LITAF: variants seen among roughly 807,000 people sequenced by gnomAD.
LITAF encodes lipopolysaccharide induced TNF factor, also known as lipopolysaccharide-induced tumor necrosis factor-alpha factor.
Under a neutral mutation model 14.5 loss-of-function variants are expected in LITAF, and 9 were observed. The observed-to-expected ratio is 0.62, with a 90% confidence interval of 0.37 to 1.08. The LOEUF is 1.08. LITAF is among the 50% of genes least tolerant of loss of function. The probability of loss-of-function intolerance (pLI) is 0.01; values close to 1 mark genes in which losing one functional copy is unlikely to be tolerated. For missense variants in LITAF, 206 were observed against 213.4 expected (o/e 0.97, Z 0.22); for synonymous variants, 98 against 88.2 (o/e 1.11, Z -0.62).
rs564659796 is a variant in LITAF at position 11,631,186 on chromosome 16, G to A, written c.85+2347C>T. On this transcript the variant is annotated intron_variant, in intron 3 of 3. Transcript: ENST00000574848. The stretch of plus-strand genomic sequence containing the variant: ...GAAGCTGCTTACAAGTGAGCTATCG[G>A]TGTCCTGTGGCTGCAATTATCACAT... 6.9e-4 allele frequency among the ~76,000 whole-genome samples: 105 copies of A among 152,288 alleles called. 2 individuals carry two copies. The highest frequency in any genetic ancestry group is 3.4e-3 in the Middle Eastern group (1 of 294).
chr16:11,634,965 C>T lies in LITAF; in HGVS notation c.-21+860G>A, dbSNP rs564631202. On this transcript the variant is annotated intron_variant, in intron 2 of 3. Coordinates refer to the LITAF transcript ENST00000574848. The surrounding 1 kb of genome is among the most constrained non-coding windows in gnomAD (Gnocchi z 4.1). The stretch of plus-strand genomic sequence containing the variant: ...AGGAGAATCGATTGAACCCGGGAAG[C>T]GGAGGTTGCAGAGAGCTGAGATCAC... 3.2e-4 allele frequency among the ~76,000 whole-genome samples: 48 copies of T among 151,892 alleles called. No homozygotes were observed. Among genetic ancestry groups the T allele is most frequent in the Non-Finnish European group, 5.3e-4 (36 of 68,000 alleles).
chr16:11,585,373 AG>A (rs1374677171), intron 1 of LITAF, among the ~76,000 whole-genome samples: 1 of 152,210 alleles, frequency 6.6e-6, no homozygotes, highest in African/African-American at 2.4e-5. Context: ...AACAGGAAAG[AG>A]GGAGATGGGC....
At chr16:11,636,646 T>C (rs2065139520), upstream of LITAF, among the ~76,000 whole-genome samples, 1 of 152,096 alleles carries the variant, frequency 6.6e-6, no homozygotes, top group African/African-American at 2.4e-5. Context: ...AAAGGGAAAA[T>C]AGAGCCCCCG....
At chr16:11,587,580 G>A (rs1175369838), upstream of LITAF, 7 of 326,536 alleles carry the variant, frequency 2.1e-5, no homozygotes, top group East Asian at 6.0e-4. Flanking sequence ...TAGGTATTAG[G>A]TAAGGCTTAT....
At chr16:11,626,035 C>A (rs117824720) in intron 3 of LITAF, among the ~76,000 whole-genome samples, 1 of 152,236 alleles carries the variant, frequency 6.6e-6, no homozygotes, top group East Asian at 1.9e-4. Flanking sequence ...AGATCCCATG[C>A]GCTTAGTAAA....
chr16:11,548,785 G>A lies in LITAF; in HGVS notation c.*852C>T, dbSNP rs1245137297. 2.2e-6 allele frequency: 1 copy of A among 452,944 alleles called. No individual in the cohort carries two copies. The allele number at this position is 452,944 out of a possible 1,614,324, so 28.1% of individuals were successfully genotyped here. A position where few individuals can be genotyped will look rare whatever the true frequency, so the allele number is the denominator to read the frequency against. ...GAGCCCAGGAGTTCGACACCAGCCTGGGCAACATAGTAAGACCCCATCTCT... is the reference window on the plus strand; with the variant it reads ...GAGCCCAGGAGTTCGACACCAGCCTAGGCAACATAGTAAGACCCCATCTCT... On this transcript the variant is annotated 3_prime_UTR_variant, in exon 4 of 4. Transcript: ENST00000622633.
chr16:11,635,948 G>A (rs1265115814), exon 2 of LITAF: 1 of 152,340 alleles, frequency 6.6e-6, no homozygotes, highest in Non-Finnish European at 1.5e-5. Flanking sequence ...GATGTGGCTG[G>A]AGGGTCTGGA....
At chr16:11,566,765 G>T (rs767542029) in intron 1 of LITAF, among the ~76,000 whole-genome samples, 14 of 151,348 alleles carry the variant, frequency 9.3e-5, no homozygotes, top group African/African-American at 3.2e-4. Flanking sequence ...GTAGGGGGGC[G>T]CATGGACAGA....
chr16:11,585,776 G>A (rs897124359), intron 1 of LITAF, among the ~76,000 whole-genome samples: 1 of 152,188 alleles, frequency 6.6e-6, no homozygotes, highest in African/African-American at 2.4e-5. Flanking sequence ...CAGGCCAAGG[G>A]GAGGGAGGCA....
rs577820515 is a variant in LITAF, at chr16:11,634,297, A to G, written c.-20-660T>C. 1.3e-5 allele frequency among the ~76,000 whole-genome samples: 2 copies of G among 152,206 alleles called. No homozygotes were observed. Among genetic ancestry groups the G allele is most frequent in the Non-Finnish European group, 2.9e-5 (2 of 68,044 alleles). ...GCCAAACTAACTCTGGGGAACATTT[A>G]GTTTACAGTTTAAGTGATACTTTTG... is the stretch of plus-strand genomic sequence containing the variant. On this transcript the variant is annotated intron_variant, in intron 2 of 3. Coordinates refer to the LITAF transcript ENST00000574848. The surrounding 1 kb of genome is among the most constrained non-coding windows in gnomAD (Gnocchi z 4.1).
chr16:11,583,752 C>T (rs1242639487), intron 1 of LITAF, among the ~76,000 whole-genome samples: 2 of 152,304 alleles, frequency 1.3e-5, no homozygotes, highest in East Asian at 3.8e-4. Context: ...GCTCCATGAG[C>T]TAAATAGCTT....
chr16:11,629,807 G>A (rs2065107011), intron 3 of LITAF, among the ~76,000 whole-genome samples: 1 of 152,172 alleles, frequency 6.6e-6, no homozygotes, highest in African/African-American at 2.4e-5. Context: ...AGCTCCAGGG[G>A]CGCGCAGCTC....
intron 3 of LITAF, among the ~76,000 whole-genome samples, chr16:11,612,856 T>A (rs1857144339): frequency 6.6e-6 from 1 of 152,118 alleles, no homozygotes; most frequent in African/African-American, 2.4e-5. Context: ...TTGGGCACCA[T>A]CTCAGGGACT....
intron 2 of LITAF, chr16:11,556,237 A>C: frequency 1.9e-6 from 1 of 538,376 alleles, no homozygotes; most frequent in South Asian, 3.1e-5. Flanking sequence ...CCATTCTCAG[A>C]AGAAAGTTGG....
intron 3 of LITAF, among the ~76,000 whole-genome samples, chr16:11,613,815 G>A (rs368855671): frequency 2.6e-5 from 4 of 152,354 alleles, no homozygotes; most frequent in African/African-American, 7.2e-5. Context: ...TCTCAGAAAT[G>A]AGGATCTGTA....
At chr16:11,588,955 G>A (rs1236738480), upstream of LITAF, among the ~76,000 whole-genome samples, 1 of 150,088 alleles carries the variant, frequency 6.7e-6, no homozygotes, top group African/African-American at 2.5e-5. Flanking sequence ...ATTTTCTTCT[G>A]TCCTTTACTG....
At chr16:11,608,850 CT>C (rs2064967763) in intron 3 of LITAF, among the ~76,000 whole-genome samples, 2 of 152,306 alleles carry the variant, frequency 1.3e-5, no homozygotes, top group Admixed American at 1.3e-4. Context: ...CTAGTCTCAG[CT>C]ACTCGGGAGG....
intron 1 of LITAF, among the ~76,000 whole-genome samples, chr16:11,579,948 A>C (rs1054887512): frequency 3.3e-5 from 5 of 152,210 alleles, no homozygotes; most frequent in Non-Finnish European, 7.3e-5. Flanking sequence ...CTGCAGACAC[A>C]GGAGCAGCTC....
intron 3 of LITAF, among the ~76,000 whole-genome samples, chr16:11,627,716 C>A (rs924981263): frequency 6.6e-6 from 1 of 152,118 alleles, no homozygotes; most frequent in African/African-American, 2.4e-5. Flanking sequence ...TGGTGGTGCA[C>A]GCCTGTAGCC....
Sources: allele counts gnomAD v4.1 joint callset (sites outside exome capture counted in the v4.1 genomes callset), GRCh38; gene constraint gnomAD v4.1.1; non-coding constraint Gnocchi (gnomAD v3.1); transcripts MANE v1.5; gene names NCBI Gene and HGNC (gene_info 2026-07-23, HGNC 2026-07-21).